The following PRORP variants were observed in gnomAD, a reference collection of about 807,000 sequenced individuals.
The protein encoded by PRORP is protein only RNase P catalytic subunit.
PRORP carries 51 observed loss-of-function variants against 59.4 expected under a neutral mutation model. The observed-to-expected ratio is 0.86, with a 90% CI of 0.69 to 1.08. PRORP has a LOEUF of 1.08. Among genes scored for constraint, PRORP ranks in the 50% least tolerant of loss-of-function variants. The pLI, the probability that PRORP is intolerant of heterozygous loss-of-function variation, is 0.00. For missense variants in PRORP, 646 were observed against 690.3 expected, an observed-to-expected ratio of 0.94 and a Z score of 0.72; for synonymous variants, 231 against 245.6, an observed-to-expected ratio of 0.94 and a Z score of 0.55.
chr14:35,194,227 G>A (rs1416792858), intron 5 of PRORP, among the ~76,000 whole-genome samples: 1 of 152,146 alleles, frequency 6.6e-6, no homozygotes, highest in Non-Finnish European at 1.5e-5. Flanking sequence ...ATGAATGAGA[G>A]TTCACTCATG....
intron 5 of PRORP, among the ~76,000 whole-genome samples, chr14:35,265,401 G>GTTAT (rs1566537159): frequency 1.3e-5 from 2 of 152,046 alleles, no homozygotes; most frequent in Non-Finnish European, 2.9e-5. Flanking sequence ...TAGTTTAATA[G>GTTAT]GTGGTACATA....
intron 5 of PRORP, among the ~76,000 whole-genome samples, chr14:35,244,234 A>G (rs1207281273): frequency 6.6e-6 from 1 of 152,216 alleles, no homozygotes; most frequent in Non-Finnish European, 1.5e-5. Flanking sequence ...ATGTTAATGT[A>G]ATATTTGCCA....
chr14:35,164,141 G>A (rs1190240385), intron 4 of PRORP, among the ~76,000 whole-genome samples: 2 of 152,050 alleles, frequency 1.3e-5, no homozygotes, highest in African/African-American at 4.8e-5. Flanking sequence ...ATCTGTTTTT[G>A]TACCAGTATG....
At chr14:35,248,409 C>G (rs1177514374) in intron 5 of PRORP, among the ~76,000 whole-genome samples, 1 of 152,232 alleles carries the variant, frequency 6.6e-6, no homozygotes, top group Non-Finnish European at 1.5e-5. Flanking sequence ...TTACATACCA[C>G]CTGGTGAAAG....
intron 5 of PRORP, among the ~76,000 whole-genome samples, chr14:35,183,381 TA>T (rs1416983958): frequency 2.0e-5 from 3 of 152,154 alleles, no homozygotes; most frequent in Admixed American, 6.6e-5. Flanking sequence ...TTAAAAATTT[TA>T]AAAATATCAG....
intron 4 of PRORP, among the ~76,000 whole-genome samples, chr14:35,161,073 A>C (rs1205962056): frequency 8.0e-6 from 1 of 125,200 alleles, no homozygotes; most frequent in East Asian, 3.7e-4. Context: ...CTGCCATGTG[A>C]AGACCGGAGC....
At chr14:35,124,987 A>G (rs942654670) in intron 2 of PRORP, among the ~76,000 whole-genome samples, 9 of 149,984 alleles carry the variant, frequency 6.0e-5, no homozygotes, top group Admixed American at 5.3e-4. Flanking sequence ...CACACTCCCG[A>G]GTAGCTGGGA....
chr14:35,177,623 G>T (rs1248861913), intron 4 of PRORP, among the ~76,000 whole-genome samples: 4 of 151,770 alleles, frequency 2.6e-5, no homozygotes, highest in East Asian at 1.9e-4. Flanking sequence ...GTCTATTTGA[G>T]TCTTCTCTCT....
intron 5 of PRORP, among the ~76,000 whole-genome samples, chr14:35,181,930 A>G (rs2048621326): frequency 1.3e-5 from 2 of 152,046 alleles, no homozygotes; most frequent in Non-Finnish European, 2.9e-5. Context: ...ACAAAACAAA[A>G]CTGAACTAAA....
intron 6 of PRORP, among the ~76,000 whole-genome samples, chr14:35,267,584 C>G (rs2051073383): frequency 6.6e-6 from 1 of 152,046 alleles, no homozygotes; most frequent in African/African-American, 2.4e-5. Context: ...GAGATCAAGA[C>G]CATCCTGGCT....
intron 5 of PRORP, chr14:35,235,274 C>T (rs570150607): frequency 5.2e-5 from 36 of 691,720 alleles, no homozygotes; most frequent in African/African-American, 1.1e-4. Flanking sequence ...CTAGTGATGG[C>T]GGATTTCATC....
chr14:35,250,394 C>T (rs1434592277), intron 5 of PRORP, among the ~76,000 whole-genome samples: 1 of 152,126 alleles, frequency 6.6e-6, no homozygotes, highest in African/African-American at 2.4e-5. Flanking sequence ...ACATCAGGTC[C>T]TTTAGAGAAA....
intron 4 of PRORP, among the ~76,000 whole-genome samples, chr14:35,131,865 A>G (rs566535648): frequency 1.3e-5 from 2 of 148,332 alleles, no homozygotes; most frequent in Admixed American, 1.4e-4. Context: ...TTGAGAAGAA[A>G]TCTCACTCTT....
rs555933018 is a variant in PRORP, at chr14:35,253,275, A to T, written c.1276-13452A>T. Among the ~76,000 whole-genome samples, 233 of 151,138 alleles carry T rather than the reference A, an allele frequency of 1.5e-3. 3 individuals are homozygous for T. Among genetic ancestry groups the T allele is most frequent in the African/African-American group, 4.3e-3 (178 of 41,162 alleles). ...AGCCCAGGAGGTCGAGGCTGCAGTGAGCTGTGATTCGTGCCACTGCAGTCC... is the reference window on the plus strand; with the variant it reads ...AGCCCAGGAGGTCGAGGCTGCAGTGTGCTGTGATTCGTGCCACTGCAGTCC... On this transcript the variant is annotated intron_variant, in intron 5 of 7. Coordinates refer to ENST00000534898, the MANE Select transcript of PRORP (RefSeq NM_014672.4).
chr14:35,201,232 C>T (rs567513525), intron 5 of PRORP, among the ~76,000 whole-genome samples: 1 of 152,292 alleles, frequency 6.6e-6, no homozygotes, highest in South Asian at 2.1e-4. Flanking sequence ...GAAGTTTTGT[C>T]AGCTTTCTCA....
chr14:35,192,438 G>C (rs1399642613), intron 5 of PRORP, among the ~76,000 whole-genome samples: 1 of 152,134 alleles, frequency 6.6e-6, no homozygotes, highest in Non-Finnish European at 1.5e-5. Context: ...AACTGTCTTT[G>C]CCTGGATTGT....
intron 5 of PRORP, among the ~76,000 whole-genome samples, chr14:35,193,539 T>C (rs2048935750): frequency 6.6e-6 from 1 of 152,166 alleles, no homozygotes; most frequent in African/African-American, 2.4e-5. Context: ...TTTCTGTTGA[T>C]TTACATAACC....
At chr14:35,239,594 G>C (rs947444814) in intron 5 of PRORP, among the ~76,000 whole-genome samples, 2 of 152,156 alleles carry the variant, frequency 1.3e-5, no homozygotes, top group African/African-American at 4.8e-5. Flanking sequence ...CTAAATTTTA[G>C]AAACAAGATT....
intron 5 of PRORP, among the ~76,000 whole-genome samples, chr14:35,249,177 A>G (rs2050552905): frequency 6.6e-6 from 1 of 152,190 alleles, no homozygotes; most frequent in African/African-American, 2.4e-5. Flanking sequence ...TAACCCCATT[A>G]TATCCTCAAA....
Sources: allele counts gnomAD v4.1 joint callset (sites outside exome capture counted in the v4.1 genomes callset), GRCh38; gene constraint gnomAD v4.1.1; transcripts MANE v1.5; gene names NCBI Gene and HGNC (gene_info 2026-07-23, HGNC 2026-07-21).